Variants in SPAG16 observed in about 807,000 individuals in gnomAD.
SPAG16 encodes sperm-associated antigen 16 protein.
In SPAG16, 86 loss-of-function variants were observed where a neutral mutation model predicts 80.4. The ratio of observed to expected loss-of-function variants is 1.07; its 90% CI spans 0.90 to 1.28. The LOEUF (loss-of-function observed/expected upper bound fraction) is 1.28. SPAG16 is among the 50% of genes most tolerant of loss of function. The probability of loss-of-function intolerance (pLI) is 0.00; values close to 1 mark genes in which losing one functional copy is unlikely to be tolerated. For missense variants in SPAG16, 870 were observed against 765.3 expected, an observed-to-expected ratio of 1.14 and a Z score of -1.61; for synonymous variants, 294 against 265.9, an observed-to-expected ratio of 1.11 and a Z score of -1.03.
chr2:214,085,709 C>A (rs1207024834), intron 13 of SPAG16, among the ~76,000 whole-genome samples: 1 of 152,188 alleles, frequency 6.6e-6, no homozygotes, highest in Non-Finnish European at 1.5e-5. Flanking sequence ...CAATTCCAAT[C>A]ATGCCATTCA....
chr2:214,410,308 G>A lies in SPAG16; in HGVS notation c.1889G>A (p.Trp630Ter). The A allele has an allele frequency of 6.3e-7, 1 of 1,592,664 alleles. No homozygotes were observed. The highest frequency in any genetic ancestry group is 8.6e-7 in the Non-Finnish European group (1 of 1,162,532). The part of the protein sequence containing the change: ...SGGSDGTVRT[W>*]S Reference sequence around the variant, plus strand: ...GGCTCTGACGGCACAGTTCGAACGTGGTCTTGACCGTCAGCACATCCCGCT... The same window carrying A: ...GGCTCTGACGGCACAGTTCGAACGTAGTCTTGACCGTCAGCACATCCCGCT... Residue 630 changes from tryptophan to a stop codon, truncating the protein, a stop_gained, in exon 16 of 16, where the codon TGG (tryptophan) becomes TAG (stop). Coordinates refer to ENST00000331683, the MANE Select transcript of SPAG16 (RefSeq NM_024532.5). LOFTEE classifies it high-confidence loss of function.
At chr2:214,211,638 T>A in intron 15 of SPAG16, among the ~76,000 whole-genome samples, 1 of 152,150 alleles carries the variant, frequency 6.6e-6, no homozygotes, top group South Asian at 2.1e-4. Context: ...GCTCCCTGAC[T>A]AGAGAGGGGA....
intron 12 of SPAG16, among the ~76,000 whole-genome samples, chr2:214,006,311 C>T (rs900398296): frequency 6.6e-6 from 1 of 152,100 alleles, no homozygotes; most frequent in African/African-American, 2.4e-5. Flanking sequence ...TTTAATGTTT[C>T]ACAAAGGAAC....
At chr2:213,802,046 C>G (rs2071441957) in intron 10 of SPAG16, among the ~76,000 whole-genome samples, 1 of 152,120 alleles carries the variant, frequency 6.6e-6, no homozygotes, top group South Asian at 2.1e-4. Context: ...CAAATAATGT[C>G]TGAAAAGAAC....
chr2:213,390,564 A>G (rs1001661508), intron 9 of SPAG16, among the ~76,000 whole-genome samples: 1 of 152,184 alleles, frequency 6.6e-6, no homozygotes, highest in African/African-American at 2.4e-5. Flanking sequence ...AGAAAAAATA[A>G]CTTATGTTTT....
chr2:213,326,507 T>G (rs924561421), intron 5 of SPAG16, among the ~76,000 whole-genome samples: 15 of 152,048 alleles, frequency 9.9e-5, no homozygotes, highest in Non-Finnish European at 1.6e-4. Context: ...CCCCTTTCTT[T>G]TTTGGTTAGG....
At chr2:213,974,925 C>T (rs2045280964) in intron 12 of SPAG16, among the ~76,000 whole-genome samples, 1 of 133,178 alleles carries the variant, frequency 7.5e-6, no homozygotes, top group Non-Finnish European at 1.5e-5. Context: ...TATCAAGAAT[C>T]TAGTATTGAA....
intron 10 of SPAG16, among the ~76,000 whole-genome samples, chr2:213,746,427 C>T (rs370096059): frequency 3.0e-4 from 46 of 152,240 alleles, no homozygotes; most frequent in African/African-American, 9.9e-4. Context: ...ACACTGTAGC[C>T]GTTATGATGT....
chr2:214,222,798 G>A (rs2058612021), intron 15 of SPAG16, among the ~76,000 whole-genome samples: 1 of 151,986 alleles, frequency 6.6e-6, no homozygotes, highest in Non-Finnish European at 1.5e-5. Flanking sequence ...AAATTGACTG[G>A]GAGCTTCTAT....
intron 15 of SPAG16, among the ~76,000 whole-genome samples, chr2:214,187,823 G>GA (rs920957555): frequency 8.7e-5 from 13 of 148,716 alleles, no homozygotes; most frequent in South Asian, 2.1e-4. Flanking sequence ...AAATGAGGAA[G>GA]AAAAAAAAAT....
intron 10 of SPAG16, among the ~76,000 whole-genome samples, chr2:213,608,714 C>T (rs529575419): frequency 3.9e-5 from 6 of 152,338 alleles, no homozygotes; most frequent in Admixed American, 3.3e-4. Context: ...GGTGGAGTCT[C>T]GCTCTGTCCC....
At chr2:214,371,303 C>T (rs768152816) in intron 15 of SPAG16, among the ~76,000 whole-genome samples, 2 of 152,068 alleles carry the variant, frequency 1.3e-5, no homozygotes, top group African/African-American at 2.4e-5. Flanking sequence ...GAGGCCGAGG[C>T]GGGCAGATCA....
intron 10 of SPAG16, among the ~76,000 whole-genome samples, chr2:213,698,661 G>A (rs142385057): frequency 2.0e-5 from 3 of 152,152 alleles, no homozygotes; most frequent in South Asian, 2.1e-4. Flanking sequence ...GACACTCTTA[G>A]TACTCACCTG....
At chr2:213,705,231 G>A (rs2065688640) in intron 10 of SPAG16, among the ~76,000 whole-genome samples, 1 of 151,564 alleles carries the variant, frequency 6.6e-6, no homozygotes, top group African/African-American at 2.4e-5. Flanking sequence ...CTGGGCAACA[G>A]AGCAAGACTC....
intron 15 of SPAG16, chr2:214,281,032 A>T: frequency 2.4e-6 from 1 of 410,378 alleles, no homozygotes. Flanking sequence ...CAGCTCCCTC[A>T]GGGCGCCAGA....
At chr2:214,203,609 C>G (rs1034020843) in intron 15 of SPAG16, among the ~76,000 whole-genome samples, 1 of 152,094 alleles carries the variant, frequency 6.6e-6, no homozygotes, top group Non-Finnish European at 1.5e-5. Flanking sequence ...GGAGCTGAGA[C>G]AAATTTAGAG....
At chr2:213,616,161 G>A (rs1409229674) in intron 10 of SPAG16, among the ~76,000 whole-genome samples, 2 of 152,278 alleles carry the variant, frequency 1.3e-5, no homozygotes, top group Non-Finnish European at 2.9e-5. Context: ...GGAAGAGGGG[G>A]ATTCAAACCC....
intron 15 of SPAG16, among the ~76,000 whole-genome samples, chr2:214,175,304 TATATATATAAAGAA>T (rs2057038280): frequency 1.4e-5 from 1 of 69,444 alleles, no homozygotes; most frequent in Non-Finnish European, 4.6e-5. Flanking sequence ...TATAAAGAAA[TATATATATAAAGAA>T]ATATATATAT....
rs755343459 is a variant in SPAG16 at position 213,491,677 on chromosome 2, T to C, written c.1070+1587T>C. The stretch of plus-strand genomic sequence containing the variant: ...TGGAACGTGTTAGTCAATACAGCAA[T>C]TAAGTGGAGGTTAAGGGAAAAGCTT... On this transcript the variant is annotated intron_variant, in intron 10 of 15. Transcript: ENST00000331683. 1.1e-4 allele frequency among the ~76,000 whole-genome samples: 17 copies of C among 152,104 alleles called. 1 individual carries two copies. Among genetic ancestry groups the C allele is most frequent in the Non-Finnish European group, 7.4e-5 (5 of 68,010 alleles).
Sources: gnomAD v4.1 joint callset for allele counts (sites outside exome capture counted in the v4.1 genomes callset) on GRCh38, gnomAD v4.1.1 for gene constraint, MANE v1.5 for transcripts, NCBI Gene and HGNC (gene_info 2026-07-23, HGNC 2026-07-21) for gene names.